Variants in LRRTM4 observed in about 807,000 individuals in gnomAD.
LRRTM4 encodes the protein leucine-rich repeat transmembrane neuronal protein 4.
Under a neutral mutation model 47.6 loss-of-function variants are expected in LRRTM4, and 25 were observed. The observed-to-expected ratio is 0.53, with a 90% confidence interval of 0.38 to 0.73. The LOEUF is 0.73. Ranked by LOEUF, LRRTM4 falls within the 30% of genes least tolerant of loss-of-function variation. The pLI is 0.00. For synonymous variants in LRRTM4, 311 were observed against 269.5 expected, an observed-to-expected ratio of 1.15 and a Z score of -1.51; for missense variants, 638 against 713.4, an observed-to-expected ratio of 0.89 and a Z score of 1.20.
chr2:76,959,929 G>T (rs1311966707), intron 3 of LRRTM4, among the ~76,000 whole-genome samples: 2 of 151,220 alleles, frequency 1.3e-5, no homozygotes, highest in African/African-American at 4.9e-5. Context: ...ATTATTAGTG[G>T]TATTACTACC....
chr2:76,954,554 A>G (rs2103895446), intron 3 of LRRTM4, among the ~76,000 whole-genome samples: 1 of 151,878 alleles, frequency 6.6e-6, no homozygotes, highest in East Asian at 2.0e-4. Flanking sequence ...GATCTAAAGT[A>G]TACCATCAAA....
intron 3 of LRRTM4, among the ~76,000 whole-genome samples, chr2:77,138,448 G>A (rs1008215639): frequency 6.6e-6 from 1 of 152,274 alleles, no homozygotes; most frequent in Admixed American, 6.5e-5. Flanking sequence ...CAACATACCA[G>A]AATCTCTGGG....
At chr2:77,351,668 T>A (rs1212167010) in intron 3 of LRRTM4, among the ~76,000 whole-genome samples, 1 of 149,704 alleles carries the variant, frequency 6.7e-6, no homozygotes, top group African/African-American at 2.5e-5. Flanking sequence ...TGTATACATG[T>A]ATACTCGAAC....
chr2:76,865,374 A>G lies in LRRTM4; in HGVS notation c.1552-116458T>C, dbSNP rs115676966. Among the ~76,000 whole-genome samples, 1,158 of 152,266 alleles carry G rather than the reference A, an allele frequency of 7.6e-3. 16 individuals are homozygous for G. Among genetic ancestry groups the G allele is most frequent in the African/African-American group, 0.026 (1,101 of 41,548 alleles). On this transcript the variant is annotated intron_variant, in intron 3 of 3. Transcript: ENST00000409884. Reference sequence around the variant, plus strand: ...AAGAGTCAACATAGAATTGATACCAATGACACCATTGGATTTACATGGCCC... The same window carrying G: ...AAGAGTCAACATAGAATTGATACCAGTGACACCATTGGATTTACATGGCCC...
chr2:77,024,403 A>T (rs915132410), intron 3 of LRRTM4, among the ~76,000 whole-genome samples: 1 of 152,034 alleles, frequency 6.6e-6, no homozygotes, highest in African/African-American at 2.4e-5. Flanking sequence ...ATGTTGTCAC[A>T]ATTGGCAGAA....
intron 3 of LRRTM4, among the ~76,000 whole-genome samples, chr2:77,516,110 T>C (rs1679199493): frequency 1.3e-5 from 2 of 151,970 alleles, no homozygotes; most frequent in South Asian, 2.1e-4. Context: ...CACAGAAAGT[T>C]TGAGCTACTT....
intron 3 of LRRTM4, among the ~76,000 whole-genome samples, chr2:76,790,005 G>T (rs1037561897): frequency 1.5e-4 from 23 of 152,292 alleles, no homozygotes; most frequent in African/African-American, 4.3e-4. Flanking sequence ...TTACAGGACA[G>T]TTCTACTGTG....
intron 3 of LRRTM4, among the ~76,000 whole-genome samples, chr2:77,098,835 C>T (rs957293473): frequency 7.9e-5 from 12 of 151,406 alleles, no homozygotes; most frequent in South Asian, 2.1e-4. Flanking sequence ...TATGAAAAGA[C>T]AATTCATAAA....
chr2:77,486,590 T>A (rs1301805532), intron 3 of LRRTM4, among the ~76,000 whole-genome samples: 1 of 152,104 alleles, frequency 6.6e-6, no homozygotes, highest in Non-Finnish European at 1.5e-5. Flanking sequence ...AAAATTAATT[T>A]AAAAAATCTA....
At chr2:76,802,025 G>T (rs563430623) in intron 3 of LRRTM4, among the ~76,000 whole-genome samples, 8 of 152,210 alleles carry the variant, frequency 5.3e-5, no homozygotes, top group African/African-American at 1.9e-4. Context: ...ATATTCAACG[G>T]TGAAAAGTGG....
chr2:76,999,127 G>T (rs556584794), intron 3 of LRRTM4, among the ~76,000 whole-genome samples: 1 of 151,914 alleles, frequency 6.6e-6, no homozygotes, highest in African/African-American at 2.4e-5. Context: ...GTGCATCATG[G>T]ATCTGTTTGT....
chr2:77,354,052 G>T (rs571930438), intron 3 of LRRTM4, among the ~76,000 whole-genome samples: 2 of 152,260 alleles, frequency 1.3e-5, no homozygotes, highest in East Asian at 3.9e-4. Flanking sequence ...GCAAATTAAG[G>T]GGTAGGTTAT....
chr2:77,094,851 G>T (rs72807243), intron 3 of LRRTM4, among the ~76,000 whole-genome samples: 27,311 of 152,030 alleles, frequency 0.18, 3,631 homozygotes, highest in East Asian at 0.49. Flanking sequence ...CAGGGGAAAA[G>T]CTCCATGACA....
intron 3 of LRRTM4, among the ~76,000 whole-genome samples, chr2:76,931,439 C>T (rs1035827615): frequency 1.3e-5 from 2 of 152,134 alleles, no homozygotes; most frequent in Non-Finnish European, 2.9e-5. Flanking sequence ...GTTGTACAGT[C>T]TTCCTTGACC....
chr2:77,498,724 T>TA (rs1476354192), intron 3 of LRRTM4, among the ~76,000 whole-genome samples: 1 of 151,822 alleles, frequency 6.6e-6, no homozygotes, highest in African/African-American at 2.4e-5. Flanking sequence ...TTTAAGCCTA[T>TA]AGTACTACTA....
chr2:77,454,549 T>C (rs1044085038), intron 3 of LRRTM4, among the ~76,000 whole-genome samples: 3 of 151,984 alleles, frequency 2.0e-5, no homozygotes, highest in Admixed American at 2.0e-4. Context: ...CTCAACAGAC[T>C]CAGGTTTAGC....
intron 3 of LRRTM4, among the ~76,000 whole-genome samples, chr2:77,065,382 T>G (rs1054258743): frequency 3.3e-5 from 5 of 152,158 alleles, no homozygotes; most frequent in Admixed American, 2.6e-4. Context: ...TTATGAAAAT[T>G]ATATTTAAAG....
intron 3 of LRRTM4, among the ~76,000 whole-genome samples, chr2:77,319,863 C>T (rs1310040505): frequency 6.6e-6 from 1 of 152,200 alleles, no homozygotes; most frequent in Non-Finnish European, 1.5e-5. Context: ...ATATGCTTTA[C>T]ATCTGGGATT....
intron 3 of LRRTM4, among the ~76,000 whole-genome samples, chr2:77,455,818 C>T (rs1676516561): frequency 6.6e-6 from 1 of 152,076 alleles, no homozygotes; most frequent in African/African-American, 2.4e-5. Context: ...TTGGAAGTTG[C>T]TCTTCCAATA....
Sources: allele counts gnomAD v4.1 joint callset (sites outside exome capture counted in the v4.1 genomes callset), GRCh38; gene constraint gnomAD v4.1.1; transcripts MANE v1.5; gene names NCBI Gene and HGNC (gene_info 2026-07-23, HGNC 2026-07-21).